The following HSF1 variants were observed in gnomAD, a reference collection of about 807,000 sequenced individuals.
HSF1 encodes the protein heat shock transcription factor 1, also known as heat shock factor protein 1.
A neutral mutation model predicts 51.7 loss-of-function variants in HSF1; 32 were observed. The ratio of observed to expected loss-of-function variants is 0.62; its 90% CI spans 0.47 to 0.83. The LOEUF (loss-of-function observed/expected upper bound fraction) is 0.83. Among genes scored for constraint, HSF1 ranks in the 40% least tolerant of loss-of-function variants. The pLI is 0.00. For missense variants in HSF1, 727 were observed against 717.0 expected (o/e 1.01, Z -0.16); for synonymous variants, 396 against 309.7 (o/e 1.28, Z -2.92).
At chr8:144,295,563 T>C (rs1442087449) in intron 1 of HSF1, among the ~76,000 whole-genome samples, 2 of 152,222 alleles carry the variant, frequency 1.3e-5, no homozygotes, top group Non-Finnish European at 2.9e-5. Flanking sequence ...GGAAGCACTT[T>C]TTGTTTTTTA....
rs1816663105 is a variant in HSF1 at position 144,311,575 on chromosome 8, C to T, written c.697C>T (p.His233Tyr). ...GTATAGCCGGCAGTTCTCCCTGGAG[C>T]ACGTCCACGGCTCGGGCCCCTACTC... Reference protein sequence around the residue: ...PKYSRQFSLEHVHGSGPYSAP... With the variant: ...PKYSRQFSLEYVHGSGPYSAP... Residue 233 changes from histidine (H) to tyrosine (Y), a missense_variant, in exon 7 of 13, where the codon CAC becomes TAC. Physicochemically the swap from His to Tyr is moderately conservative, Grantham distance 83 (BLOSUM62 2). Transcript: ENST00000528838. 1 of 1,613,696 alleles carries T rather than the reference C, an allele frequency of 6.2e-7. No homozygotes were observed.
rs781818190 is a variant in HSF1, at chr8:144,309,597, T to A, written c.363+6T>A. The A allele has an allele frequency of 1.2e-6, 2 of 1,613,402 alleles. No individual in the cohort carries two copies. The highest frequency in any genetic ancestry group is 3.3e-5 in the Admixed American group (2 of 59,978). Reference sequence around the variant, plus strand: ...TCAAGAGGAAAGTGACCAGTGTGAGTGCCGGCCCTGCACCCTTGCCCGGTC... The same window carrying A: ...TCAAGAGGAAAGTGACCAGTGTGAGAGCCGGCCCTGCACCCTTGCCCGGTC... On this transcript the variant is annotated splice_donor_region_variant and intron_variant, in intron 3 of 12. Transcript: ENST00000528838.
chr8:144,295,346 T>C (rs1554841115), intron 1 of HSF1, among the ~76,000 whole-genome samples: 2 of 152,202 alleles, frequency 1.3e-5, no homozygotes, highest in African/African-American at 4.8e-5. Flanking sequence ...TAAGGAAGTA[T>C]GAAAAGTAAT....
At chr8:144,309,945 C>A (rs200042298) in intron 4 of HSF1, 49 bp downstream of exon 4, 1 of 1,588,422 alleles carries the variant, frequency 6.3e-7, no homozygotes, top group Non-Finnish European at 8.6e-7. Flanking sequence ...TGGCGCCCAC[C>A]AAGAGGCCCC....
Position 144,314,439 on chromosome 8 carries a change from T to G in HSF1, c.*109T>G. The stretch of plus-strand genomic sequence containing the variant: ...TTGGGCACTGGTGGGTCGGCCGCCA[T>G]AGCCCCAGTAGGACAAACGGGCTCG... On this transcript the variant is annotated 3_prime_UTR_variant, in exon 13 of 13. Transcript: ENST00000528838. 1.1e-6 allele frequency: 1 copy of G among 891,250 alleles called. No individual in the cohort carries two copies. The highest frequency in any genetic ancestry group is 1.7e-5 in the South Asian group (1 of 60,372). The allele number at this position is 891,250 out of a possible 1,614,324, so 55.2% of individuals were successfully genotyped here.
At chr8:144,313,413 C>A in intron 9 of HSF1, 98 bp from the exon 10 acceptor site, 1 of 795,122 alleles carries the variant, frequency 1.3e-6, no homozygotes, top group Admixed American at 2.1e-5. Flanking sequence ...GGGGGTGCAG[C>A]CTGGGGGGTA....
At chr8:144,310,036 T>A in intron 4 of HSF1, 140 bp downstream of exon 4, 1 of 1,052,048 alleles carries the variant, frequency 9.5e-7, no homozygotes, top group Non-Finnish European at 1.3e-6. Flanking sequence ...ACCCTGGGCC[T>A]CTGCCCCAGC....
chr8:144,311,978 C>G lies in HSF1; in HGVS notation c.876C>G (p.Ser292Arg). The G allele has an allele frequency of 6.3e-7, 1 of 1,587,414 alleles. No individual in the cohort carries two copies. The highest frequency in any genetic ancestry group is 8.6e-7 in the Non-Finnish European group (1 of 1,167,324). The change falls in exon 9 of 13, where the codon AGC becomes AGG. Residue 292 changes from serine (S) to arginine (R), a missense_variant. Around this residue, in one of 2 missense-constraint regions of HSF1, gnomAD observed 470 missense variants for 398.8 expected, o/e 1.18. Transcript: ENST00000528838. ...GSIDERPLSS[S>R]PLVRVKEEPP... Reference sequence around the variant, plus strand: ...TCGTGTGCAGGCCCCTATCCAGCAGCCCCCTGGTGCGTGTCAAGGAGGAGC... The same window carrying G: ...TCGTGTGCAGGCCCCTATCCAGCAGGCCCCTGGTGCGTGTCAAGGAGGAGC...
intron 9 of HSF1, chr8:144,312,687 C>G (rs1554845234): frequency 6.5e-7 from 1 of 1,535,534 alleles, no homozygotes; most frequent in Non-Finnish European, 8.7e-7. Flanking sequence ...CCCTCTTCCT[C>G]TCCGCATGGC....
At chr8:144,299,921 A>G (rs782401412) in intron 1 of HSF1, among the ~76,000 whole-genome samples, 19 of 152,184 alleles carry the variant, frequency 1.2e-4, no homozygotes, top group Non-Finnish European at 2.1e-4. Flanking sequence ...AAAATAAGAA[A>G]ACATGACTGA....
intron 1 of HSF1, among the ~76,000 whole-genome samples, chr8:144,306,065 T>G (rs1421746249): frequency 1.9e-4 from 29 of 152,198 alleles, no homozygotes. Context: ...GTTATTAAAC[T>G]CTTCAGCTCC....
chr8:144,303,014 G>A (rs1052888104), intron 1 of HSF1, among the ~76,000 whole-genome samples: 1 of 152,044 alleles, frequency 6.6e-6, no homozygotes, highest in Non-Finnish European at 1.5e-5. Context: ...ACTCACCCGT[G>A]CTGCTGAGAA....
intron 1 of HSF1, among the ~76,000 whole-genome samples, chr8:144,298,156 G>A (rs977304746): frequency 2.0e-5 from 3 of 152,324 alleles, no homozygotes; most frequent in African/African-American, 7.2e-5. Context: ...CACTGAGGCA[G>A]GAAGATGAGA....
At chr8:144,311,123 C>A in intron 4 of HSF1, 51 bp from the exon 5 acceptor site, 1 of 1,527,968 alleles carries the variant, frequency 6.5e-7, no homozygotes. Context: ...GCTCCCTCAG[C>A]CCTGGGGCTC....
rs1554844828 is a variant in HSF1 at position 144,312,038 on chromosome 8, G to T, written c.936G>T (p.Glu312Asp). Residue 312 changes from glutamate (E) to aspartate (D), a missense_variant, in exon 9 of 13, where the codon GAG becomes GAT. This residue lies in a region of HSF1 where 470 missense variants were observed against 398.8 expected (regional missense o/e 1.18). Coordinates refer to ENST00000528838, the MANE Select transcript of HSF1 (RefSeq NM_005526.4). The stretch of plus-strand genomic sequence containing the variant: ...CGCCTCAGAGCCCCCGGGTAGAGGA[G>T]GCGAGTCCCGGGCGCCCATCTTCCG... ...PSPPQSPRVE[E>D]ASPGRPSSVD... is the part of the protein sequence containing the mutation. 15 of 1,610,600 alleles carry T rather than the reference G, an allele frequency of 9.3e-6. No homozygotes were observed. Among genetic ancestry groups the T allele is most frequent in the Non-Finnish European group, 1.1e-5 (13 of 1,178,788 alleles).
intron 1 of HSF1, among the ~76,000 whole-genome samples, chr8:144,303,352 C>A (rs1015833549): frequency 6.6e-6 from 1 of 152,130 alleles, no homozygotes; most frequent in Middle Eastern, 3.4e-3. Flanking sequence ...CTTAGAGGAG[C>A]TGTTGTTCCC....
At chr8:144,309,102 C>A in intron 2 of HSF1, 88 bp downstream of exon 2, 1 of 1,072,980 alleles carries the variant, frequency 9.3e-7, no homozygotes, top group Non-Finnish European at 1.4e-6. Flanking sequence ...TGATGAAGGA[C>A]GGGGCGTCCT....
At chr8:144,307,891 G>A (rs1816326181) in intron 1 of HSF1, among the ~76,000 whole-genome samples, 1 of 152,206 alleles carries the variant, frequency 6.6e-6, no homozygotes, top group Non-Finnish European at 1.5e-5. Context: ...TTAACTTTCA[G>A]AGTTCTGGAA....
rs189827673 is a variant in HSF1 at position 144,312,460 on chromosome 8, C to T, written c.1142+216C>T. ...GCCACGGGCATGTCCGGACAGGCTG[C>T]CGGGCCCTGCTCTCAGCCACCCGTC... On this transcript the variant is annotated intron_variant, in intron 9 of 12. Coordinates refer to ENST00000528838, the MANE Select transcript of HSF1 (RefSeq NM_005526.4). Among the ~76,000 whole-genome samples, 1,226 of 152,148 alleles carry T rather than the reference C, an allele frequency of 8.1e-3. 10 individuals are homozygous for T. Among genetic ancestry groups the T allele is most frequent in the African/African-American group, 0.024 (983 of 41,512 alleles).
Sources: gnomAD v4.1 joint callset for allele counts (sites outside exome capture counted in the v4.1 genomes callset) on GRCh38, gnomAD v4.1.1 for gene constraint, gnomAD v4.1.1 regional missense constraint, MANE v1.5 for transcripts, NCBI Gene and HGNC (gene_info 2026-07-23, HGNC 2026-07-21) for gene names.